The following BABAM2 variants were observed in gnomAD, a reference collection of about 807,000 sequenced individuals.
BABAM2 encodes BRISC and BRCA1-A complex member 2.
In BABAM2, 31 loss-of-function variants were observed where a neutral mutation model predicts 54.7. That is an observed-to-expected ratio of 0.57 (90% confidence interval 0.43 to 0.77). The LOEUF is 0.77. Among genes scored for constraint, BABAM2 ranks in the 30% least tolerant of loss-of-function variants. The probability of loss-of-function intolerance (pLI) is 0.00; values close to 1 mark genes in which losing one functional copy is unlikely to be tolerated. For synonymous variants in BABAM2, 167 were observed against 162.9 expected (o/e 1.03, Z -0.19); for missense variants, 364 against 455.8 (o/e 0.80, Z 1.83).
At chr2:28,134,056 TTTGTGTTC>T in intron 7 of BABAM2, among the ~76,000 whole-genome samples, 1 of 152,162 alleles carries the variant, frequency 6.6e-6, no homozygotes, top group Non-Finnish European at 1.5e-5. Context: ...TGAGAAGAAC[TTTGTGTTC>T]TTGCACAAGG....
chr2:28,070,266 T>A lies in BABAM2; in HGVS notation c.570+24467T>A, dbSNP rs1212487456. Among the ~76,000 whole-genome samples, 3 of 152,344 alleles carry A rather than the reference T, an allele frequency of 2.0e-5. No individual in the cohort carries two copies. In the South Asian group the frequency reaches 6.2e-4, roughly 32 times the overall value. ...TTGCACAACAGCTTTCTAGTGTCTG[T>A]TTCTGCCTGCTTCAGGGTGCTATGA... On this transcript the variant is annotated intron_variant, in intron 6 of 11. Coordinates refer to ENST00000379624, the MANE Select transcript of BABAM2 (RefSeq NM_199191.3).
chr2:28,144,906 C>T (rs982329249), intron 7 of BABAM2, among the ~76,000 whole-genome samples: 3 of 152,228 alleles, frequency 2.0e-5, no homozygotes, highest in African/African-American at 7.2e-5. Flanking sequence ...CTTGGTCTTA[C>T]ATGCTACCCA....
At chr2:28,251,582 A>G (rs1445669530) in intron 10 of BABAM2, among the ~76,000 whole-genome samples, 1 of 152,220 alleles carries the variant, frequency 6.6e-6, no homozygotes, top group Non-Finnish European at 1.5e-5. Context: ...TGCCCGCTAT[A>G]GAAACAGTGT....
At chr2:28,197,047 A>G (rs372008059) in intron 7 of BABAM2, among the ~76,000 whole-genome samples, 1 of 151,442 alleles carries the variant, frequency 6.6e-6, no homozygotes, top group South Asian at 2.1e-4. Context: ...GGATCTCGCT[A>G]TGTGTGTATG....
chr2:27,921,775 A>G (rs1667362293), intron 2 of BABAM2, among the ~76,000 whole-genome samples: 1 of 152,228 alleles, frequency 6.6e-6, no homozygotes, highest in Non-Finnish European at 1.5e-5. Context: ...TATAATAATT[A>G]TAGGTAATAA....
intron 7 of BABAM2, among the ~76,000 whole-genome samples, chr2:28,232,512 ACAT>A (rs1208653116): frequency 1.3e-5 from 2 of 152,214 alleles, no homozygotes; most frequent in African/African-American, 4.8e-5. Context: ...CGTTGTGCAA[ACAT>A]CATAGAATGT....
At chr2:27,954,011 A>G (rs1349268736) in intron 3 of BABAM2, among the ~76,000 whole-genome samples, 1 of 152,204 alleles carries the variant, frequency 6.6e-6, no homozygotes, top group Non-Finnish European at 1.5e-5. Context: ...CTTGGCCCTT[A>G]GAAATTAGAG....
At position 28,322,758 on chromosome 2, in the gene BABAM2, G is replaced by A. The variant is rs890657503; in HGVS notation, c.1089-15692G>A. ...CCCAGCATGTTGCAGGCCCAGGAAA[G>A]CACCCTTCACCTGCAGAGTAAAGGG... On this transcript the variant is annotated intron_variant, in intron 11 of 11. Transcript: ENST00000379624. This position sits in a 1 kb window ranked among gnomAD's most constrained non-coding sequence, Gnocchi z 4.1. 4.6e-5 allele frequency among the ~76,000 whole-genome samples: 7 copies of A among 152,248 alleles called. No homozygotes were observed. Among genetic ancestry groups the A allele is most frequent in the Non-Finnish European group, 1.0e-4 (7 of 68,038 alleles).
chr2:28,000,869 A>G (rs1436871945), intron 4 of BABAM2, among the ~76,000 whole-genome samples: 1 of 152,056 alleles, frequency 6.6e-6, no homozygotes, highest in Non-Finnish European at 1.5e-5. Flanking sequence ...TGCCCCCATC[A>G]TTATAGATGT....
intron 7 of BABAM2, among the ~76,000 whole-genome samples, chr2:28,218,887 A>G (rs916470538): frequency 6.6e-6 from 1 of 152,042 alleles, no homozygotes; most frequent in Non-Finnish European, 1.5e-5. Flanking sequence ...GAGGGGATTT[A>G]TTGATTCTGT....
intron 7 of BABAM2, among the ~76,000 whole-genome samples, chr2:28,220,510 T>C (rs996691064): frequency 6.6e-6 from 1 of 152,172 alleles, no homozygotes; most frequent in Non-Finnish European, 1.5e-5. Flanking sequence ...TGTGTTCTTA[T>C]ATACCTTAGT....
intron 7 of BABAM2, among the ~76,000 whole-genome samples, chr2:28,197,434 A>G (rs577466618): frequency 6.6e-6 from 1 of 152,318 alleles, no homozygotes; most frequent in African/African-American, 2.4e-5. Context: ...GTGCTCAACG[A>G]TGTTTTCTAC....
chr2:27,904,267 A>G (rs544921457), intron 2 of BABAM2, among the ~76,000 whole-genome samples: 12 of 152,374 alleles, frequency 7.9e-5, no homozygotes, highest in African/African-American at 2.9e-4. Flanking sequence ...GCCAAGGGTA[A>G]CTGAAATCAC....
At chr2:28,123,078 G>A (rs570859307) in intron 6 of BABAM2, among the ~76,000 whole-genome samples, 2 of 152,170 alleles carry the variant, frequency 1.3e-5, no homozygotes, top group Admixed American at 1.3e-4. Flanking sequence ...CTAGTTCAGT[G>A]GCTTATTTCA....
chr2:27,951,434 G>T (rs963348093), intron 3 of BABAM2, among the ~76,000 whole-genome samples: 2 of 151,994 alleles, frequency 1.3e-5, no homozygotes, highest in Admixed American at 1.3e-4. Context: ...AAATTTTCTG[G>T]ATCTTTTATT....
chr2:28,088,221 G>C (rs548966185), intron 6 of BABAM2, among the ~76,000 whole-genome samples: 1 of 151,982 alleles, frequency 6.6e-6, no homozygotes, highest in Non-Finnish European at 1.5e-5. Flanking sequence ...AAGTGTTTAA[G>C]AATACTCAGA....
intron 11 of BABAM2, among the ~76,000 whole-genome samples, chr2:28,303,839 A>T (rs780707857): frequency 1.3e-5 from 2 of 152,130 alleles, no homozygotes; most frequent in Non-Finnish European, 2.9e-5. Context: ...AGAAATTTTT[A>T]AAATATTTCA....
chr2:27,979,244 G>T (rs1671828952), intron 3 of BABAM2, among the ~76,000 whole-genome samples: 1 of 151,878 alleles, frequency 6.6e-6, no homozygotes, highest in Non-Finnish European at 1.5e-5. Context: ...ATGTTAACCA[G>T]GCTGGTCTCG....
chr2:28,144,359 G>T (rs1048293311), intron 7 of BABAM2, among the ~76,000 whole-genome samples: 3 of 152,096 alleles, frequency 2.0e-5, no homozygotes, highest in Non-Finnish European at 4.4e-5. Context: ...ATTCATTTAG[G>T]ATAAACTAGT....
Sources: gnomAD v4.1 joint callset for allele counts (sites outside exome capture counted in the v4.1 genomes callset) on GRCh38, gnomAD v4.1.1 for gene constraint, Gnocchi (gnomAD v3.1) non-coding constraint, MANE v1.5 for transcripts, NCBI Gene and HGNC (gene_info 2026-07-23, HGNC 2026-07-21) for gene names.